ADAMTSL1: variants seen among roughly 807,000 people sequenced by gnomAD.
ADAMTSL1 encodes the protein ADAMTS like 1.
In ADAMTSL1, 126 loss-of-function variants were observed where a neutral mutation model predicts 201.8. The observed-to-expected ratio is 0.62, with a 90% CI of 0.54 to 0.72. The LOEUF is 0.72. ADAMTSL1 is among the 30% of genes least tolerant of loss of function. ADAMTSL1 has a pLI of 0.00. For synonymous variants in ADAMTSL1, 1,121 were observed against 903.4 expected (o/e 1.24, Z -4.32); for missense variants, 2,679 against 2,277.8 (o/e 1.18, Z -3.59).
chr9:18,389,347 C>T (rs1178695403), intron 2 of ADAMTSL1, among the ~76,000 whole-genome samples: 1 of 152,080 alleles, frequency 6.6e-6, no homozygotes, highest in Admixed American at 6.6e-5. Flanking sequence ...ATGTACATAA[C>T]TCAATGTCAT....
At chr9:18,033,395 G>T (rs755628806) in intron 1 of ADAMTSL1, among the ~76,000 whole-genome samples, 10 of 152,036 alleles carry the variant, frequency 6.6e-5, no homozygotes, top group Non-Finnish European at 8.8e-5. Context: ...GAAATAAAAC[G>T]TTAAAGAAAT....
chr9:18,523,219 G>T (rs1378668145), intron 2 of ADAMTSL1, among the ~76,000 whole-genome samples: 1 of 152,098 alleles, frequency 6.6e-6, no homozygotes, highest in Non-Finnish European at 1.5e-5. Flanking sequence ...TCATGTGTCT[G>T]TTGGCTGCAT....
At chr9:18,758,104 C>T (rs921365308) in intron 16 of ADAMTSL1, among the ~76,000 whole-genome samples, 2 of 152,200 alleles carry the variant, frequency 1.3e-5, no homozygotes, top group Admixed American at 6.5e-5. Context: ...TCATTCGCTG[C>T]ACTTGGCCTC....
chr9:18,085,580 CTG>C (rs1409664911), intron 1 of ADAMTSL1, among the ~76,000 whole-genome samples: 25 of 144,310 alleles, frequency 1.7e-4, no homozygotes, highest in African/African-American at 6.2e-4. Context: ...TATATACACA[CTG>C]TGTGTGTGTA....
chr9:18,865,194 C>T (rs569054764), intron 23 of ADAMTSL1, among the ~76,000 whole-genome samples: 1 of 152,112 alleles, frequency 6.6e-6, no homozygotes, highest in Non-Finnish European at 1.5e-5. Context: ...TCCCCGCTCC[C>T]CCCACCCCAC....
At chr9:18,203,324 G>A (rs796986877) in intron 2 of ADAMTSL1, among the ~76,000 whole-genome samples, 8 of 152,118 alleles carry the variant, frequency 5.3e-5, no homozygotes, top group African/African-American at 1.9e-4. Context: ...CCATGTGATA[G>A]TGTTGGTGCT....
At chr9:18,668,414 C>T (rs1413474411) in intron 9 of ADAMTSL1, among the ~76,000 whole-genome samples, 2 of 152,158 alleles carry the variant, frequency 1.3e-5, no homozygotes, top group African/African-American at 4.8e-5. Flanking sequence ...ATTCAATTTA[C>T]TACAAAGCCA....
chr9:18,715,215 A>G (rs1199517578), intron 14 of ADAMTSL1, among the ~76,000 whole-genome samples: 210 of 149,432 alleles, frequency 1.4e-3, no homozygotes, highest in African/African-American at 4.8e-3. Context: ...CCTATTCAAC[A>G]TAGTGTTGGA....
chr9:18,092,843 G>T (rs542297681), intron 1 of ADAMTSL1, among the ~76,000 whole-genome samples: 37 of 152,320 alleles, frequency 2.4e-4, no homozygotes, highest in African/African-American at 8.2e-4. Flanking sequence ...GATTTGTAAT[G>T]AAAATATTTC....
chr9:18,612,909 A>G (rs1029487641), intron 4 of ADAMTSL1, among the ~76,000 whole-genome samples: 1 of 152,232 alleles, frequency 6.6e-6, no homozygotes, highest in African/African-American at 2.4e-5. Context: ...GAAAGAAACT[A>G]TCATCAGAGT....
intron 2 of ADAMTSL1, among the ~76,000 whole-genome samples, chr9:18,308,905 T>C (rs1834010904): frequency 6.6e-6 from 1 of 152,090 alleles, no homozygotes; most frequent in African/African-American, 2.4e-5. Flanking sequence ...CAGGCCAATA[T>C]CCTTGATGAA....
At position 18,150,425 on chromosome 9, in the gene ADAMTSL1, A is replaced by G. The variant is rs377575408; in HGVS notation, c.88-13437A>G. ...CTGGAAAATGCCTATTACATTTGGT[A>G]TCTAGGAAGATATTGATAATTTTAG... is the stretch of plus-strand genomic sequence containing the variant. On this transcript the variant is annotated intron_variant, in intron 1 of 29. Coordinates refer to the ADAMTSL1 transcript ENST00000680146. Among the ~76,000 whole-genome samples the G allele has an allele frequency of 1.2e-4, 19 of 152,190 alleles. 1 individual carries two copies. In the East Asian group the frequency reaches 1.7e-3, roughly 14 times the overall value.
rs1833718852 is a variant in ADAMTSL1 at position 18,301,765 on chromosome 9, T to G, written c.207+137784T>G. Among the ~76,000 whole-genome samples, 4 of 152,168 alleles carry G rather than the reference T, an allele frequency of 2.6e-5. No homozygotes were observed. In the South Asian group the frequency reaches 8.3e-4, roughly 32 times the overall value. ...AATACATTGCTAAGAAATTAGAAAA[T>G]GTACTAACCTTATGGGGCAAGGTAG... On this transcript the variant is annotated intron_variant, in intron 2 of 29. Transcript: ENST00000680146.
chr9:18,287,819 A>G (rs1257895823), intron 2 of ADAMTSL1, among the ~76,000 whole-genome samples: 2 of 149,402 alleles, frequency 1.3e-5, no homozygotes, highest in Non-Finnish European at 3.0e-5. Context: ...ATAGTGGAAC[A>G]CTAATATAAT....
intron 2 of ADAMTSL1, among the ~76,000 whole-genome samples, chr9:18,388,722 T>TTTGTTG (rs138315941): frequency 6.6e-6 from 1 of 151,762 alleles, no homozygotes; most frequent in East Asian, 1.9e-4. Context: ...ATTTCGATTT[T>TTTGTTG]TTGTTGTTGT....
intron 26 of ADAMTSL1, among the ~76,000 whole-genome samples, chr9:18,898,298 G>C (rs1334458509): frequency 1.3e-5 from 2 of 152,236 alleles, no homozygotes; most frequent in Non-Finnish European, 2.9e-5. Flanking sequence ...CTGGTAACCA[G>C]AATAGCCAGT....
chr9:18,244,212 T>A (rs1587385754), intron 2 of ADAMTSL1, among the ~76,000 whole-genome samples: 1 of 151,996 alleles, frequency 6.6e-6, no homozygotes, highest in Non-Finnish European at 1.5e-5. Context: ...CACCTGGCAA[T>A]GTTTGCCAAG....
chr9:18,876,195 C>T (rs867478098), intron 23 of ADAMTSL1, among the ~76,000 whole-genome samples: 10 of 151,906 alleles, frequency 6.6e-5, no homozygotes, highest in Admixed American at 2.0e-4. Context: ...TTACTCATTC[C>T]GCCATTCTCC....
At chr9:18,745,051 G>C (rs1168532144) in intron 15 of ADAMTSL1, among the ~76,000 whole-genome samples, 1 of 152,138 alleles carries the variant, frequency 6.6e-6, no homozygotes. Flanking sequence ...TGGCCAGCCA[G>C]GTGTTTCCAC....
Sources: allele counts gnomAD v4.1 joint callset (sites outside exome capture counted in the v4.1 genomes callset), GRCh38; gene constraint gnomAD v4.1.1; transcripts MANE v1.5; gene names NCBI Gene and HGNC (gene_info 2026-07-23, HGNC 2026-07-21).